CD72: variants seen among roughly 807,000 people sequenced by gnomAD.
CD72 encodes B-cell differentiation antigen CD72.
CD72 carries 28 observed loss-of-function variants against 50.7 expected under a neutral mutation model. The observed-to-expected ratio is 0.55, with a 90% CI of 0.41 to 0.76. The LOEUF is 0.76. Among genes scored for constraint, CD72 ranks in the 30% least tolerant of loss-of-function variants. CD72 has a pLI of 0.00. For missense variants in CD72, 403 were observed against 420.6 expected, an observed-to-expected ratio of 0.96 and a Z score of 0.37; for synonymous variants, 176 against 171.2, an observed-to-expected ratio of 1.03 and a Z score of -0.22.
chr9:35,641,810 C>T (rs1823343029), intron 1 of CD72, among the ~76,000 whole-genome samples: 1 of 152,104 alleles, frequency 6.6e-6, no homozygotes, highest in South Asian at 2.1e-4. Flanking sequence ...CAGTGTAAGA[C>T]TGTCACCTCT....
At chr9:35,637,459 AG>A (rs1823301716) in intron 1 of CD72, among the ~76,000 whole-genome samples, 1 of 152,218 alleles carries the variant, frequency 6.6e-6, no homozygotes, top group South Asian at 2.1e-4. Context: ...AACCAGCCCA[AG>A]GAACATCTCA....
upstream of CD72, among the ~76,000 whole-genome samples, chr9:35,619,797 T>G (rs1045479937): frequency 6.6e-6 from 1 of 152,206 alleles, no homozygotes; most frequent in Non-Finnish European, 1.5e-5. Context: ...CTGTGATCAC[T>G]GTTATTTTCC....
intron 1 of CD72, among the ~76,000 whole-genome samples, chr9:35,645,087 T>C (rs1823376002): frequency 6.6e-6 from 1 of 151,058 alleles, no homozygotes. Flanking sequence ...TATTCCCAGC[T>C]ACTCGGGAGG....
At chr9:35,623,537 C>T (rs890436311), upstream of CD72, among the ~76,000 whole-genome samples, 2 of 152,110 alleles carry the variant, frequency 1.3e-5, no homozygotes, top group African/African-American at 4.8e-5. Context: ...CCTTTTTAAG[C>T]AGGCAAACCC....
At chr9:35,642,477 T>C (rs1823349294) in intron 1 of CD72, 1 of 152,260 alleles carries the variant, frequency 6.6e-6, no homozygotes, top group Non-Finnish European at 1.5e-5. Flanking sequence ...CCGTAAACAA[T>C]GGGGCCAACC....
At chr9:35,643,709 A>G (rs1245689244) in intron 1 of CD72, among the ~76,000 whole-genome samples, 1 of 152,176 alleles carries the variant, frequency 6.6e-6, no homozygotes, top group East Asian at 1.9e-4. Context: ...CGGGCTGGGT[A>G]ACTCACGCCT....
In CD72 at chr9:35,613,098, A is replaced by G. The variant is rs527264081; in HGVS notation, c.689-105T>C. On this transcript the variant is annotated intron_variant, in intron 5 of 8. Transcript: ENST00000259633. Reference sequence around the variant, plus strand: ...CCCCAGAGCTAATCTCAGCACCTTCATGGACTTCTATGATCTTTGCAATCT... The same window carrying G: ...CCCCAGAGCTAATCTCAGCACCTTCGTGGACTTCTATGATCTTTGCAATCT... The G allele has an allele frequency of 1.2e-5, 11 of 892,678 alleles. 1 individual carries two copies. Among genetic ancestry groups the G allele is most frequent in the South Asian group, 8.2e-5 (5 of 61,050 alleles). 55.3% of individuals were successfully genotyped at this position (892,678 alleles called of 1,614,324 possible). A position where few individuals can be genotyped will look rare whatever the true frequency, so the allele number is the denominator to read the frequency against.
intron 5 of CD72, among the ~76,000 whole-genome samples, chr9:35,613,968 G>A (rs1823030460): frequency 6.6e-6 from 1 of 151,212 alleles, no homozygotes; most frequent in Admixed American, 6.6e-5. Context: ...TCACACCACT[G>A]CACTCCAGCC....
intron 1 of CD72, among the ~76,000 whole-genome samples, chr9:35,645,195 G>A (rs1215080248): frequency 3.5e-5 from 4 of 115,390 alleles, no homozygotes; most frequent in African/African-American, 8.9e-5. Context: ...GCGAAACTCC[G>A]TCTCAAAAAA....
chr9:35,633,349 G>T (rs1823263456), intron 1 of CD72, among the ~76,000 whole-genome samples: 1 of 144,058 alleles, frequency 6.9e-6, no homozygotes, highest in Admixed American at 7.0e-5. Flanking sequence ...ATAATTTCTT[G>T]AAATAAGTGC....
chr9:35,628,369 G>T (rs1477176443), intron 1 of CD72, among the ~76,000 whole-genome samples: 2 of 152,242 alleles, frequency 1.3e-5, no homozygotes, highest in Non-Finnish European at 2.9e-5. Flanking sequence ...GAGGCCGGTG[G>T]ATTACAAGGT....
At chr9:35,640,366 T>C (rs1406973455) in intron 1 of CD72, among the ~76,000 whole-genome samples, 2 of 152,182 alleles carry the variant, frequency 1.3e-5, no homozygotes, top group African/African-American at 2.4e-5. Flanking sequence ...TCCAAGATGG[T>C]GGCAAGCCTT....
chr9:35,640,151 C>T (rs1375033593), intron 1 of CD72, among the ~76,000 whole-genome samples: 1 of 152,250 alleles, frequency 6.6e-6, no homozygotes, highest in African/African-American at 2.4e-5. Context: ...ATTTCTGGCA[C>T]TGACCATCTA....
rs1587898854 is a variant in CD72 at position 35,610,560 on chromosome 9, C to T, written c.*22+42G>A. 2.0e-6 allele frequency: 3 copies of T among 1,514,984 alleles called. No homozygotes were observed. The East Asian group carries it at 7.1e-5, about 36-fold the overall frequency. The allele number at this position is 1,514,984 out of a possible 1,614,324, so 93.8% of individuals were successfully genotyped here. A position where few individuals can be genotyped will look rare whatever the true frequency, so the allele number is the denominator to read the frequency against. The stretch of plus-strand genomic sequence containing the variant: ...TGAGTCCCTGCTCTGAGTCCCTCTG[C>T]CCCTGGACTCCCCATGCCTCAGCCC... On this transcript the variant is annotated intron_variant, in intron 8 of 8. Transcript: ENST00000259633.
At chr9:35,640,853 T>A (rs1446133251) in intron 1 of CD72, among the ~76,000 whole-genome samples, 4 of 152,226 alleles carry the variant, frequency 2.6e-5, no homozygotes, top group African/African-American at 7.2e-5. Context: ...CGGGTTTATA[T>A]CCCGATCCTT....
upstream of CD72, among the ~76,000 whole-genome samples, chr9:35,620,452 A>C (rs1454089889): frequency 6.6e-6 from 1 of 150,826 alleles, no homozygotes; most frequent in Non-Finnish European, 1.5e-5. Context: ...CCTAGGCAAC[A>C]AGAGCAAAGC....
Position 35,610,700 on chromosome 9 carries a change from C to G in CD72, c.1004G>C (p.Trp335Ser). Residue 335 changes from tryptophan to serine, a missense_variant, in exon 8 of 9, where the codon TGG (tryptophan) becomes TCG (serine). Transcript: ENST00000259633. The part of the protein sequence containing the change: ...CNKVHKTWSW[W>S]TLESESCRSS... ...TCTACATGACTCTGACTCCAGTGTC[C>G]ACCATGACCAAGTTTTATGTACCTT... 6.2e-7 allele frequency: 1 copy of G among 1,610,552 alleles called. No homozygotes were observed.
intron 1 of CD72, among the ~76,000 whole-genome samples, chr9:35,630,133 G>T (rs1401573197): frequency 6.7e-6 from 1 of 149,712 alleles, no homozygotes; most frequent in Admixed American, 6.7e-5. Context: ...CCACCTCCCG[G>T]GTTCAAGCTA....
intron 1 of CD72, among the ~76,000 whole-genome samples, chr9:35,637,261 C>T (rs1480685801): frequency 7.2e-5 from 11 of 152,310 alleles, no homozygotes; most frequent in African/African-American, 2.6e-4. Context: ...GGACTCAGCC[C>T]GCCTGCACCC....
Sources: allele counts gnomAD v4.1 joint callset (sites outside exome capture counted in the v4.1 genomes callset), GRCh38; gene constraint gnomAD v4.1.1; transcripts MANE v1.5; gene names NCBI Gene and HGNC (gene_info 2026-07-23, HGNC 2026-07-21).